The following MICAL2 variants were observed in gnomAD, a reference collection of about 807,000 sequenced individuals.
The protein encoded by MICAL2 is [F-actin]-monooxygenase MICAL2.
A neutral mutation model predicts 127.3 loss-of-function variants in MICAL2; 77 were observed. That is an observed-to-expected ratio of 0.60 (90% confidence interval 0.50 to 0.73). The LOEUF (loss-of-function observed/expected upper bound fraction) is 0.73, where lower values mean the gene tolerates loss of function less well. MICAL2 is among the 30% of genes least tolerant of loss of function. The probability of loss-of-function intolerance (pLI) is 0.00; values close to 1 mark genes in which losing one functional copy is unlikely to be tolerated. For missense variants in MICAL2, 1,351 were observed against 1,434.4 expected (o/e 0.94, Z 0.94); for synonymous variants, 570 against 551.1 (o/e 1.03, Z -0.48).
chr11:12,246,752 G>A (rs182072444), intron 21 of MICAL2, among the ~76,000 whole-genome samples: 69 of 152,204 alleles, frequency 4.5e-4, no homozygotes, highest in African/African-American at 1.4e-3. Context: ...GACTATAGAT[G>A]TGAATCACCA....
chr11:12,273,289 T>A (rs1190929387), upstream of MICAL2, among the ~76,000 whole-genome samples: 1 of 152,184 alleles, frequency 6.6e-6, no homozygotes, highest in East Asian at 1.9e-4. Context: ...TGTCAAATGC[T>A]CAAACAATTA....
At chr11:12,170,952 A>C (rs1032203546) in intron 3 of MICAL2, among the ~76,000 whole-genome samples, 10 of 152,356 alleles carry the variant, frequency 6.6e-5, no homozygotes, top group African/African-American at 1.9e-4. Flanking sequence ...TCTGTGGCTC[A>C]AAGGGCTTCT....
intron 29 of MICAL2, among the ~76,000 whole-genome samples, chr11:12,298,675 A>G (rs1406997978): frequency 2.2e-4 from 34 of 152,068 alleles, no homozygotes; most frequent in Admixed American, 2.1e-3. Flanking sequence ...ATCTAGTTCT[A>G]TTTCGGTGAG....
intron 8 of MICAL2, among the ~76,000 whole-genome samples, chr11:12,216,816 T>A (rs577184911): frequency 1.3e-5 from 2 of 152,326 alleles, no homozygotes; most frequent in Middle Eastern, 6.8e-3. Context: ...AAACTGTGTA[T>A]CCTTCCTGAA....
At chr11:12,232,828 G>C (rs1045861183) in intron 15 of MICAL2, among the ~76,000 whole-genome samples, 4 of 152,080 alleles carry the variant, frequency 2.6e-5, no homozygotes, top group Admixed American at 2.0e-4. Context: ...TGCTTTCTAG[G>C]GTTTCAGTGA....
chr11:12,317,688 A>T (rs1419925671), intron 29 of MICAL2, among the ~76,000 whole-genome samples: 1 of 152,020 alleles, frequency 6.6e-6, no homozygotes, highest in African/African-American at 2.4e-5. Context: ...GCTACTCAGG[A>T]GGCTGAGGCA....
chr11:12,341,827 AAAAAG>A (rs896131688), intron 32 of MICAL2, among the ~76,000 whole-genome samples: 5 of 125,136 alleles, frequency 4.0e-5, no homozygotes, highest in Admixed American at 9.0e-5. Flanking sequence ...ACTCTTTCTC[AAAAAG>A]AAAAGAAAAG....
At chr11:12,333,585 T>A (rs1204581741) in intron 32 of MICAL2, among the ~76,000 whole-genome samples, 1 of 151,966 alleles carries the variant, frequency 6.6e-6, no homozygotes, top group Non-Finnish European at 1.5e-5. Flanking sequence ...AGAAAAAAAA[T>A]TTTGTTGTTT....
intron 23 of MICAL2, 197 bp from the exon 24 acceptor site, chr11:12,256,588 C>A: frequency 1.9e-6 from 1 of 516,292 alleles, no homozygotes; most frequent in Non-Finnish European, 3.4e-6. Flanking sequence ...GTACAGTTAA[C>A]AGAAGCCCCT....
intron 2 of MICAL2, among the ~76,000 whole-genome samples, chr11:12,146,284 C>G (rs1254008128): frequency 1.3e-5 from 2 of 152,192 alleles, no homozygotes; most frequent in East Asian, 3.8e-4. Flanking sequence ...AGGCAACCTA[C>G]AGAATGGGAG....
At position 12,259,793 on chromosome 11, in the gene MICAL2, A is replaced by G; in HGVS notation, c.3232-2A>G. 1 of 1,534,164 alleles carries G rather than the reference A, an allele frequency of 6.5e-7. No homozygotes were observed. Among genetic ancestry groups the G allele is most frequent in the Non-Finnish European group, 8.8e-7 (1 of 1,139,244 alleles). On this transcript the variant is annotated splice_acceptor_variant, in intron 25 of 27. Coordinates refer to ENST00000683283, the MANE Select transcript of MICAL2 (RefSeq NM_001282663.2). LOFTEE classifies it high-confidence loss of function. Reference sequence around the variant, plus strand: ...ATGCCCTCATTTCCATCTCTTTCTCAGGAGGAGGCAACATGGCAAGAGCAG... The same window carrying G: ...ATGCCCTCATTTCCATCTCTTTCTCGGGAGGAGGCAACATGGCAAGAGCAG...
At chr11:12,142,560 G>A (rs1488225744) in intron 2 of MICAL2, among the ~76,000 whole-genome samples, 2 of 152,204 alleles carry the variant, frequency 1.3e-5, no homozygotes, top group Non-Finnish European at 2.9e-5. Flanking sequence ...GGCCATCCCA[G>A]CACTATGCTG....
upstream of MICAL2, among the ~76,000 whole-genome samples, chr11:12,272,789 G>T (rs1458923788): frequency 2.6e-5 from 4 of 152,162 alleles, no homozygotes; most frequent in African/African-American, 9.7e-5. Context: ...CTCAATCAGG[G>T]ACCCTGACTG....
rs749560955 is a variant in MICAL2 at position 12,213,355 on chromosome 11, T to C, written c.792T>C (p.Ser264=). 5.0e-6 allele frequency: 8 copies of C among 1,613,888 alleles called. No homozygotes were observed. In the Admixed American group the frequency reaches 1.3e-4, roughly 27 times the overall value. The change falls in exon 7 of 28, where the codon AGT becomes AGC. Residue 264 remains serine, a synonymous_variant. Transcript: ENST00000683283. ...CGGAAGCCAAGGTGGAAGAGATTAG[T>C]GGTGTGGCTTTCATCTTCAATCAGA... The part of the protein sequence containing the change: ...STAEAKVEEI[S]GVAFIFNQKF...
chr11:12,317,274 C>T (rs1864242813), intron 29 of MICAL2, among the ~76,000 whole-genome samples: 2 of 152,098 alleles, frequency 1.3e-5, no homozygotes, highest in South Asian at 2.1e-4. Context: ...CTGGAAAGAC[C>T]CTCTAGGCAG....
chr11:12,327,512 G>T (rs978183750), intron 32 of MICAL2, among the ~76,000 whole-genome samples: 72 of 152,318 alleles, frequency 4.7e-4, no homozygotes, highest in South Asian at 2.1e-4. Flanking sequence ...GTCAGCCCGC[G>T]GGCCTTGTAA....
chr11:12,188,220 C>T (rs535066495), intron 3 of MICAL2, among the ~76,000 whole-genome samples: 3 of 152,184 alleles, frequency 2.0e-5, no homozygotes, highest in East Asian at 1.9e-4. Context: ...ATATTGATTA[C>T]GTGTTGCAAT....
rs61877161 is a variant in MICAL2, at chr11:12,234,340, T to C, written c.1996-1837T>C. On this transcript the variant is annotated intron_variant, in intron 15 of 27. Coordinates refer to ENST00000683283, the MANE Select transcript of MICAL2 (RefSeq NM_001282663.2). ...CAACAGAAAACCCTAAGATTATGCA[T>C]GAAGCATTCTTGTTGGGTAGGACAT... Among the ~76,000 whole-genome samples, 634 of 151,366 alleles carry C rather than the reference T, an allele frequency of 4.2e-3. 8 individuals are homozygous for C. The highest frequency in any genetic ancestry group is 0.021 in the Admixed American group (325 of 15,234).
chr11:12,343,201 A>G (rs1397117044), intron 32 of MICAL2, among the ~76,000 whole-genome samples: 1 of 152,126 alleles, frequency 6.6e-6, no homozygotes, highest in Non-Finnish European at 1.5e-5. Context: ...TGAGGTCAGG[A>G]GTTCGAGACC....
Sources: gnomAD v4.1 joint callset for allele counts (sites outside exome capture counted in the v4.1 genomes callset) on GRCh38, gnomAD v4.1.1 for gene constraint, MANE v1.5 for transcripts, NCBI Gene and HGNC (gene_info 2026-07-23, HGNC 2026-07-21) for gene names.